CPXM2: variants seen among roughly 807,000 people sequenced by gnomAD.
CPXM2 encodes the protein inactive carboxypeptidase-like protein X2.
Under a neutral mutation model 86.1 loss-of-function variants are expected in CPXM2, and 66 were observed. That is an observed-to-expected ratio of 0.77 (90% CI 0.63 to 0.94). The LOEUF is 0.94. CPXM2 is among the 40% of genes least tolerant of loss of function. The probability of loss-of-function intolerance (pLI) is 0.00; values close to 1 mark genes in which losing one functional copy is unlikely to be tolerated. For synonymous variants in CPXM2, 388 were observed against 400.2 expected (o/e 0.97, Z 0.36); for missense variants, 948 against 1,026.3 (o/e 0.92, Z 1.04).
At chr10:123,808,967 T>C (rs1847635917) in intron 4 of CPXM2, among the ~76,000 whole-genome samples, 1 of 151,804 alleles carries the variant, frequency 6.6e-6, no homozygotes, top group Non-Finnish European at 1.5e-5. Flanking sequence ...AAATATTAAA[T>C]GGAAAATTCC....
chr10:123,768,794 G>A, intron 8 of CPXM2, 72 bp from the exon 9 acceptor site: 1 of 1,318,606 alleles, frequency 7.6e-7, no homozygotes, highest in Non-Finnish European at 1.1e-6. Context: ...TTGTCACATT[G>A]TGTTGGGGGG....
upstream of CPXM2, among the ~76,000 whole-genome samples, chr10:123,896,479 A>C (rs562510268): frequency 6.6e-6 from 1 of 152,294 alleles, no homozygotes; most frequent in South Asian, 2.1e-4. Context: ...CCTCAATCTC[A>C]TTACTACATA....
chr10:123,794,014 C>A (rs1847267957), intron 6 of CPXM2, among the ~76,000 whole-genome samples: 1 of 152,210 alleles, frequency 6.6e-6, no homozygotes, highest in South Asian at 2.1e-4. Flanking sequence ...AATAGCTTTT[C>A]AATAATTATG....
At chr10:123,839,400 A>G (rs1848340152) in intron 4 of CPXM2, among the ~76,000 whole-genome samples, 1 of 152,246 alleles carries the variant, frequency 6.6e-6, no homozygotes, top group Non-Finnish European at 1.5e-5. Flanking sequence ...TTAACTCATT[A>G]TCATTCCATG....
chr10:123,779,298 G>A (rs188302262), intron 7 of CPXM2, among the ~76,000 whole-genome samples: 3 of 152,298 alleles, frequency 2.0e-5, no homozygotes, highest in Non-Finnish European at 2.9e-5. Context: ...CGCACTTAGC[G>A]TAGGTACTGC....
At chr10:123,923,421 A>T (rs1171521232) in intron 2 of CPXM2, among the ~76,000 whole-genome samples, 1 of 36,398 alleles carries the variant, frequency 2.7e-5, no homozygotes, top group Admixed American at 2.0e-4. Flanking sequence ...TCTACTAAAA[A>T]TACAAAAAAA....
intron 7 of CPXM2, among the ~76,000 whole-genome samples, chr10:123,772,440 C>T (rs1324775100): frequency 4.6e-5 from 7 of 151,936 alleles, no homozygotes; most frequent in African/African-American, 1.7e-4. Flanking sequence ...GTTATCACCT[C>T]CCTGGGTGTA....
At chr10:123,785,380 C>G (rs1272658575) in intron 6 of CPXM2, among the ~76,000 whole-genome samples, 1 of 152,206 alleles carries the variant, frequency 6.6e-6, no homozygotes, top group African/African-American at 2.4e-5. Context: ...TGAACACACT[C>G]TATTTTATCT....
intron 1 of CPXM2, among the ~76,000 whole-genome samples, chr10:123,882,878 C>G (rs28712078): frequency 0.42 from 62,245 of 149,848 alleles, 13,782 homozygotes; most frequent in Middle Eastern, 0.54. Flanking sequence ...CACTACAACA[C>G]CATGGCCCGG....
At chr10:123,876,001 G>C (rs28692617) in intron 2 of CPXM2, among the ~76,000 whole-genome samples, 1 of 151,694 alleles carries the variant, frequency 6.6e-6, no homozygotes, top group Non-Finnish European at 1.5e-5. Context: ...ATTTTTAGTA[G>C]AGACAAGGTT....
chr10:123,887,935 T>C (rs975751677), intron 1 of CPXM2, among the ~76,000 whole-genome samples: 1 of 152,232 alleles, frequency 6.6e-6, no homozygotes, highest in African/African-American at 2.4e-5. Context: ...GTTTAATATA[T>C]TGGGGCTCTA....
rs149205111 is a variant in CPXM2 at position 123,864,216 on chromosome 10, G to A, written c.404-1493C>T. Reference sequence around the variant, plus strand: ...CAGCATTCTCAGGAATAACCGGTCTGTCCTGAGAGATCCCGCCCACCGAGA... The same window carrying A: ...CAGCATTCTCAGGAATAACCGGTCTATCCTGAGAGATCCCGCCCACCGAGA... On this transcript the variant is annotated intron_variant, in intron 2 of 13. Transcript: ENST00000241305. Among the ~76,000 whole-genome samples, 276 of 138,294 alleles carry A rather than the reference G, an allele frequency of 2.0e-3. 1 individual carries two copies. The highest frequency in any genetic ancestry group is 3.5e-3 in the Middle Eastern group (1 of 286). The allele number at this position is 138,294 out of a possible 152,430, so 90.7% of individuals were successfully genotyped here. A position where few individuals can be genotyped will look rare whatever the true frequency, so the allele number is the denominator to read the frequency against.
At chr10:123,875,965 T>C (rs1263379006) in intron 2 of CPXM2, among the ~76,000 whole-genome samples, 1 of 151,902 alleles carries the variant, frequency 6.6e-6, no homozygotes, top group Non-Finnish European at 1.5e-5. Context: ...TACAAGTGCA[T>C]GCTGCCACGC....
intron 6 of CPXM2, among the ~76,000 whole-genome samples, chr10:123,796,869 G>A (rs1361905569): frequency 1.3e-5 from 2 of 152,228 alleles, no homozygotes; most frequent in African/African-American, 2.4e-5. Context: ...GCCTGACTGC[G>A]TGGGTGGACT....
At chr10:123,898,559 G>A (rs965167733) in intron 2 of CPXM2, among the ~76,000 whole-genome samples, 1 of 152,156 alleles carries the variant, frequency 6.6e-6, no homozygotes, top group Non-Finnish European at 1.5e-5. Context: ...GATCACTTGA[G>A]CCCAGGAGCT....
intron 11 of CPXM2, among the ~76,000 whole-genome samples, chr10:123,759,741 C>T (rs1007848674): frequency 2.0e-5 from 3 of 152,228 alleles, no homozygotes; most frequent in African/African-American, 7.2e-5. Flanking sequence ...CCTTACAGCT[C>T]TGTGCATCTG....
intron 2 of CPXM2, among the ~76,000 whole-genome samples, chr10:123,866,133 G>A (rs1324536599): frequency 2.0e-5 from 3 of 151,948 alleles, no homozygotes; most frequent in Non-Finnish European, 2.9e-5. Flanking sequence ...CTGCAGCACG[G>A]GCTCATCACC....
chr10:123,932,790 G>A (rs76957846), intron 2 of CPXM2, among the ~76,000 whole-genome samples: 483 of 152,326 alleles, frequency 3.2e-3, no homozygotes, highest in African/African-American at 6.6e-3. Context: ...GTTTCTCGGC[G>A]TGGCAGATAG....
chr10:123,880,258 G>A lies in CPXM2; in HGVS notation c.356C>T (p.Ala119Val), dbSNP rs1279879025. 1.2e-6 allele frequency: 2 copies of A among 1,603,210 alleles called. No homozygotes were observed. Among genetic ancestry groups the A allele is most frequent in the South Asian group, 1.1e-5 (1 of 90,840 alleles). The change falls in exon 2 of 14, where the codon GCC (alanine) becomes GTC (valine). Residue 119 changes from alanine (A) to valine (V), a missense_variant. Coordinates refer to ENST00000241305, the MANE Select transcript of CPXM2 (RefSeq NM_198148.3). ...VMRTKSSEKA[A>V]NDDHSVRVAR... ...CACACGGACACTGTGATCATCGTTG[G>A]CAGCCTTCTCAGAGCTCTTGGTTCT...
Sources: gnomAD v4.1 joint callset for allele counts (sites outside exome capture counted in the v4.1 genomes callset) on GRCh38, gnomAD v4.1.1 for gene constraint, MANE v1.5 for transcripts, NCBI Gene and HGNC (gene_info 2026-07-23, HGNC 2026-07-21) for gene names.